Variants in UNC80 observed in about 807,000 individuals in gnomAD.
UNC80 encodes protein unc-80 homolog.
UNC80 carries 164 observed loss-of-function variants against 384.6 expected under a neutral mutation model. The ratio of observed to expected loss-of-function variants is 0.43; its 90% CI spans 0.38 to 0.49. UNC80 has a LOEUF of 0.49. Ranked by LOEUF, UNC80 falls within the 20% of genes least tolerant of loss-of-function variation. The probability of loss-of-function intolerance (pLI) is 0.00; values close to 1 mark genes in which losing one functional copy is unlikely to be tolerated. For missense variants in UNC80, 3,330 were observed against 4,143.0 expected (o/e 0.80, Z 5.39); for synonymous variants, 1,486 against 1,527.8 (o/e 0.97, Z 0.64).
chr2:209,772,008 C>T lies in UNC80; in HGVS notation c.-65C>T. 2.0e-6 allele frequency: 2 copies of T among 1,013,776 alleles called. No homozygotes were observed. Among genetic ancestry groups the T allele is most frequent in the Non-Finnish European group, 2.9e-6 (2 of 683,822 alleles). 62.8% of individuals were successfully genotyped at this position (1,013,776 alleles called of 1,614,324 possible). A position where few individuals can be genotyped will look rare whatever the true frequency, so the allele number is the denominator to read the frequency against. ...GAGAGTTGGGAGCAGCGGGAGGAGG[C>T]GGCGGCGGCGGCTAGCGAGGAGACA... is the stretch of plus-strand genomic sequence containing the variant. On this transcript the variant is annotated 5_prime_UTR_variant, in exon 1 of 65. Transcript: ENST00000673920.
chr2:209,838,959 A>G (rs970922241), intron 18 of UNC80, among the ~76,000 whole-genome samples: 18 of 152,178 alleles, frequency 1.2e-4, no homozygotes, highest in African/African-American at 4.1e-4. Context: ...AATACCTGCA[A>G]TAATATTTAA....
chr2:209,995,379 A>C lies in UNC80; in HGVS notation c.9759A>C (p.Ala3253=). ...GAGAAAAGGAGGAGGACACAGAAGC[A>C]CAAGGTGCTACTGCACACAGTCCAC... ...EEGEKEEDTE[A]QGATAHSPLS... The change falls in exon 65 of 65, where the codon GCA becomes GCC. Residue 3253 remains alanine, a synonymous_variant. Transcript: ENST00000673920. 1 of 1,552,182 alleles carries C rather than the reference A, an allele frequency of 6.4e-7. No individual in the cohort carries two copies. The highest frequency in any genetic ancestry group is 8.7e-7 in the Non-Finnish European group (1 of 1,147,090).
chr2:209,973,177 A>G lies in UNC80; in HGVS notation c.8494A>G (p.Ser2832Gly). 6.4e-7 allele frequency: 1 copy of G among 1,551,556 alleles called. No individual in the cohort carries two copies. The highest frequency in any genetic ancestry group is 8.7e-7 in the Non-Finnish European group (1 of 1,146,976). ...CAGGAGCAAGAACTTCATGTTAGAGAGCTCCCCAGCCCACTGCTCCACCCC... is the reference window on the plus strand; with the variant it reads ...CAGGAGCAAGAACTTCATGTTAGAGGGCTCCCCAGCCCACTGCTCCACCCC... ...TSRSKNFMLE[S>G]SPAHCSTPGD... The change falls in exon 56 of 65, where the codon AGC becomes GGC. Residue 2832 changes from serine to glycine, a missense_variant. Ser to Gly is a moderately conservative substitution (Grantham distance 56). Coordinates refer to ENST00000673920, the MANE Select transcript of UNC80 (RefSeq NM_001371986.1).
chr2:209,847,691 A>G (rs1447817867), intron 21 of UNC80, among the ~76,000 whole-genome samples: 1 of 152,008 alleles, frequency 6.6e-6, no homozygotes, highest in Non-Finnish European at 1.5e-5. Flanking sequence ...TGAAATTGGT[A>G]ATCTTGTCAA....
chr2:209,842,168 T>A (rs1244063980), intron 20 of UNC80, among the ~76,000 whole-genome samples, 182 bp from the exon 21 acceptor site: 1 of 152,182 alleles, frequency 6.6e-6, no homozygotes, highest in Non-Finnish European at 1.5e-5. Context: ...CAGTGATGTC[T>A]TTTTTGGCAC....
chr2:209,975,156 T>C (rs1366474275), intron 56 of UNC80, among the ~76,000 whole-genome samples: 1 of 152,240 alleles, frequency 6.6e-6, no homozygotes, highest in African/African-American at 2.4e-5. Context: ...CTCAATGCAC[T>C]TAAGAAAGAT....
intron 39 of UNC80, among the ~76,000 whole-genome samples, chr2:209,935,251 TA>T (rs1167601537): frequency 1.3e-5 from 2 of 152,168 alleles, no homozygotes; most frequent in South Asian, 2.1e-4. Context: ...ATTTGTAAGA[TA>T]AAAAATCATA....
At chr2:209,905,414 T>C (rs906904828) in intron 29 of UNC80, among the ~76,000 whole-genome samples, 2 of 151,634 alleles carry the variant, frequency 1.3e-5, no homozygotes, top group African/African-American at 4.9e-5. Flanking sequence ...GTCAGGAGGG[T>C]CAGAGCCAGA....
Position 209,945,202 on chromosome 2 carries a change from C to A in UNC80, c.7189+13C>A. The A allele has an allele frequency of 6.5e-7, 1 of 1,545,048 alleles. No homozygotes were observed. Among genetic ancestry groups the A allele is most frequent in the Non-Finnish European group, 8.7e-7 (1 of 1,144,872 alleles). On this transcript the variant is annotated intron_variant, in intron 46 of 64. Transcript: ENST00000673920. ...CTCAAGTCATTAGGTAAAAGCAAAACTTGCTTTGACATTCTTTTTCTCACT... is the reference window on the plus strand; with the variant it reads ...CTCAAGTCATTAGGTAAAAGCAAAAATTGCTTTGACATTCTTTTTCTCACT...
intron 28 of UNC80, among the ~76,000 whole-genome samples, chr2:209,898,005 G>A (rs1001322204): frequency 1.3e-5 from 2 of 151,944 alleles, no homozygotes; most frequent in African/African-American, 4.8e-5. Flanking sequence ...AAATTTATCA[G>A]CAAAAAGATT....
chr2:209,953,736 C>T (rs2092295541), intron 47 of UNC80, among the ~76,000 whole-genome samples: 1 of 152,194 alleles, frequency 6.6e-6, no homozygotes, highest in African/African-American at 2.4e-5. Context: ...TGGAAAATCA[C>T]TCTCAGCAAA....
chr2:209,879,933 G>A (rs117794371), intron 24 of UNC80, among the ~76,000 whole-genome samples: 75 of 152,248 alleles, frequency 4.9e-4, no homozygotes, highest in East Asian at 4.6e-3. Context: ...AAATGAAATC[G>A]TGAAGTATGT....
intron 12 of UNC80, among the ~76,000 whole-genome samples, 175 bp downstream of exon 12, chr2:209,819,436 CT>C (rs201907873): frequency 2.6e-5 from 4 of 151,370 alleles, no homozygotes; most frequent in African/African-American, 9.7e-5. Context: ...GTGCACCTTA[CT>C]TTTTTTTCAA....
intron 58 of UNC80, among the ~76,000 whole-genome samples, chr2:209,977,741 A>G (rs965165661): frequency 2.0e-5 from 3 of 152,218 alleles, no homozygotes; most frequent in African/African-American, 7.2e-5. Flanking sequence ...ATTATTCTAA[A>G]GGTATTCTTT....
rs2124895744 is a variant in UNC80 at position 209,880,988 on chromosome 2, G to A, written c.4004G>A (p.Cys1335Tyr). The A allele has an allele frequency of 1.3e-6, 2 of 1,552,030 alleles. No homozygotes were observed. Among genetic ancestry groups the A allele is most frequent in the South Asian group, 1.2e-5 (1 of 84,054 alleles). The change falls in exon 25 of 65, where the codon TGC becomes TAC. Residue 1335 changes from cysteine to tyrosine, a missense_variant. Physicochemically the swap from Cys to Tyr is radical, Grantham distance 194 (BLOSUM62 -2). Around this residue, in one of 8 missense-constraint regions of UNC80, gnomAD observed 801 missense variants for 950.8 expected, o/e 0.84. Coordinates refer to ENST00000673920, the MANE Select transcript of UNC80 (RefSeq NM_001371986.1). ...DSTVNPSKCG[C>Y]PFALKMAACQ... is the part of the protein sequence containing the mutation. ...ACTGTGAACCCCTCTAAATGCGGTT[G>A]CCCCTTTGCCTTGAAGATGGCAGCA...
intron 62 of UNC80, 41 bp from the exon 63 acceptor site, chr2:209,993,274 T>C (rs2093424493): frequency 6.8e-7 from 1 of 1,479,010 alleles, no homozygotes; most frequent in African/African-American, 1.4e-5. Flanking sequence ...TCCTAGGCAG[T>C]TAGACCCTCT....
rs796852814 is a variant in UNC80 at position 209,901,448 on chromosome 2, G to GA, written c.4582-3309dup. Among the ~76,000 whole-genome samples the GA allele has an allele frequency of 1.3e-3, 195 of 150,894 alleles. 1 individual carries two copies. Among genetic ancestry groups the GA allele is most frequent in the African/African-American group, 3.8e-3 (158 of 41,164 alleles). ...TCCACTGTTGAGATCTACTGTTCAG[G>GA]AAAAAAAACAAAAAAAAATTTCTTT... is the stretch of plus-strand genomic sequence containing the variant. On this transcript the variant is annotated intron_variant, in intron 28 of 64. Transcript: ENST00000673920.
chr2:209,925,592 CT>C (rs1367884739), intron 35 of UNC80, among the ~76,000 whole-genome samples: 1 of 152,118 alleles, frequency 6.6e-6, no homozygotes, highest in East Asian at 1.9e-4. Flanking sequence ...CCATTGGTCC[CT>C]TTTACAGAGC....
In UNC80 at chr2:209,816,975, A is replaced by C; in HGVS notation, c.1402A>C (p.Arg468=). The change falls in exon 10 of 65, where the codon AGG becomes CGG. Residue 468 remains arginine (R), a synonymous_variant. Transcript: ENST00000673920. ...SIPFHHTGKR[R]PRRMGVPFLL... ...TCCATTCCACCACACAGGCAAGAGG[A>C]GGCCACGGAGAATGGGAGTGCCCTT... 2 of 1,551,712 alleles carry C rather than the reference A, an allele frequency of 1.3e-6. No individual in the cohort carries two copies. Among genetic ancestry groups the C allele is most frequent in the Non-Finnish European group, 1.7e-6 (2 of 1,147,000 alleles).
Sources: gnomAD v4.1 joint callset for allele counts (sites outside exome capture counted in the v4.1 genomes callset) on GRCh38, gnomAD v4.1.1 for gene constraint, gnomAD v4.1.1 regional missense constraint, MANE v1.5 for transcripts, NCBI Gene and HGNC (gene_info 2026-07-23, HGNC 2026-07-21) for gene names.